The following STXBP6 variants were observed in gnomAD, a reference collection of about 807,000 sequenced individuals.
STXBP6 encodes syntaxin-binding protein 6.
In STXBP6, 21 loss-of-function variants were observed where a neutral mutation model predicts 26.9. The ratio of observed to expected loss-of-function variants is 0.78; its 90% CI spans 0.55 to 1.12. The LOEUF (loss-of-function observed/expected upper bound fraction) is 1.12, where lower values mean the gene tolerates loss of function less well. Among genes scored for constraint, STXBP6 ranks in the 50% most tolerant of loss-of-function variants. The pLI, the probability that STXBP6 is intolerant of heterozygous loss-of-function variation, is 0.00. For synonymous variants in STXBP6, 97 were observed against 92.6 expected (o/e 1.05, Z -0.27); for missense variants, 232 against 257.9 (o/e 0.90, Z 0.69).
At chr14:24,870,980 T>A (rs1044097410) in intron 2 of STXBP6, among the ~76,000 whole-genome samples, 9 of 152,220 alleles carry the variant, frequency 5.9e-5, no homozygotes, top group Non-Finnish European at 1.2e-4. Flanking sequence ...CATCTTGTTA[T>A]CTGCCACGGT....
At chr14:24,962,532 T>C (rs1159830962) in intron 2 of STXBP6, among the ~76,000 whole-genome samples, 3 of 151,976 alleles carry the variant, frequency 2.0e-5, no homozygotes, top group Non-Finnish European at 2.9e-5. Flanking sequence ...TTCTCCACGT[T>C]GGCCAGGCTG....
chr14:25,049,751 C>T lies in STXBP6; in HGVS notation c.-33+127G>A, dbSNP rs2075777470. The T allele has an allele frequency of 1.8e-5, 18 of 985,502 alleles. No homozygotes were observed. The South Asian group carries it at 3.3e-4, about 18-fold the overall frequency. 61.0% of individuals were successfully genotyped at this position (985,502 alleles called of 1,614,324 possible). A position where few individuals can be genotyped will look rare whatever the true frequency, so the allele number is the denominator to read the frequency against. ...GAATCTCTCTGGGAGCCTGCCTACT[C>T]CCCTGGCCTCACAGCCACCCGCCTC... On this transcript the variant is annotated intron_variant, in intron 1 of 5. Transcript: ENST00000323944. The surrounding 1 kb of genome is among the most constrained non-coding windows in gnomAD (Gnocchi z 5.6).
chr14:24,904,194 G>A (rs770676541), intron 2 of STXBP6, among the ~76,000 whole-genome samples: 2 of 152,042 alleles, frequency 1.3e-5, no homozygotes, highest in African/African-American at 2.4e-5. Context: ...TATCTTCCCC[G>A]AATCCCACAT....
At chr14:24,837,324 T>C (rs960517912) in intron 4 of STXBP6, among the ~76,000 whole-genome samples, 2 of 152,194 alleles carry the variant, frequency 1.3e-5, no homozygotes, top group Non-Finnish European at 2.9e-5. Flanking sequence ...AAATTATTAC[T>C]CTTGTTAAGA....
At chr14:25,025,065 T>G (rs546642727) in intron 1 of STXBP6, among the ~76,000 whole-genome samples, 1 of 152,328 alleles carries the variant, frequency 6.6e-6, no homozygotes, top group East Asian at 1.9e-4. Flanking sequence ...GGCCTTTTGA[T>G]TTCAACATCC....
At chr14:24,829,684 A>AT (rs71121804) in intron 4 of STXBP6, among the ~76,000 whole-genome samples, 367 of 144,390 alleles carry the variant, frequency 2.5e-3, no homozygotes, top group Admixed American at 4.3e-3. Flanking sequence ...TCATTGAACT[A>AT]TTTTTTTTTT....
At chr14:24,880,563 A>G (rs781118832) in intron 2 of STXBP6, among the ~76,000 whole-genome samples, 2 of 152,230 alleles carry the variant, frequency 1.3e-5, no homozygotes, top group Non-Finnish European at 2.9e-5. Flanking sequence ...GGCCAGGTAC[A>G]TGATGCATTG....
At chr14:24,963,803 T>A (rs1302849009) in intron 2 of STXBP6, among the ~76,000 whole-genome samples, 1 of 152,006 alleles carries the variant, frequency 6.6e-6, no homozygotes, top group Non-Finnish European at 1.5e-5. Context: ...AATTGCTCAT[T>A]TTGAAAGATT....
chr14:24,946,411 A>C (rs557999229), intron 2 of STXBP6, among the ~76,000 whole-genome samples: 2 of 152,224 alleles, frequency 1.3e-5, no homozygotes, highest in African/African-American at 4.8e-5. Context: ...CAATGGAGAC[A>C]AAACCAAAAG....
intron 2 of STXBP6, among the ~76,000 whole-genome samples, chr14:24,876,568 A>G (rs954184229): frequency 3.3e-5 from 5 of 152,208 alleles, no homozygotes; most frequent in South Asian, 2.1e-4. Context: ...GGGGTTTGAC[A>G]TAGAAGCAGC....
At chr14:25,018,610 C>T (rs8004569) in intron 1 of STXBP6, among the ~76,000 whole-genome samples, 27,292 of 152,062 alleles carry the variant, frequency 0.18, 3,425 homozygotes, top group African/African-American at 0.36. Flanking sequence ...TGAATGTTGG[C>T]ATAGCAGGAA....
chr14:24,974,026 AG>A (rs2073976903), intron 2 of STXBP6, among the ~76,000 whole-genome samples: 2 of 152,300 alleles, frequency 1.3e-5, no homozygotes, highest in South Asian at 4.1e-4. Flanking sequence ...AAATTTATCC[AG>A]ATTTTATCTC....
chr14:24,893,282 C>A (rs2070858856), intron 2 of STXBP6, among the ~76,000 whole-genome samples: 1 of 152,212 alleles, frequency 6.6e-6, no homozygotes, highest in South Asian at 2.1e-4. Flanking sequence ...AGGACCTATT[C>A]AAAGTATTCT....
intron 2 of STXBP6, among the ~76,000 whole-genome samples, chr14:24,925,772 T>A (rs2072140741): frequency 6.6e-6 from 1 of 152,170 alleles, no homozygotes; most frequent in Admixed American, 6.5e-5. Flanking sequence ...TATTTTATAA[T>A]CTGCAAATAT....
chr14:24,974,826 C>T lies in STXBP6; in HGVS notation c.-8G>A, dbSNP rs766997471. ...AGCAGATTTGGCACTCATTGTAGAA[C>T]AAGTGAGGACAGCACGCAGTGAATC... On this transcript the variant is annotated 5_prime_UTR_variant, in exon 2 of 6. Coordinates refer to ENST00000323944, the MANE Select transcript of STXBP6 (RefSeq NM_001394410.1). The T allele has an allele frequency of 8.3e-5, 132 of 1,597,838 alleles. No individual in the cohort carries two copies. Among genetic ancestry groups the T allele is most frequent in the Admixed American group, 1.2e-4 (7 of 58,862 alleles).
intron 1 of STXBP6, among the ~76,000 whole-genome samples, chr14:25,031,175 G>C (rs912609218): frequency 1.3e-5 from 2 of 152,104 alleles, no homozygotes; most frequent in African/African-American, 2.4e-5. Flanking sequence ...CCCTTGTACT[G>C]AACCAATTAA....
At chr14:24,917,653 TAGAA>T (rs576720819) in intron 2 of STXBP6, among the ~76,000 whole-genome samples, 1 of 152,112 alleles carries the variant, frequency 6.6e-6, no homozygotes, top group Non-Finnish European at 1.5e-5. Flanking sequence ...TCAAAAATCT[TAGAA>T]AAAGACATAG....
At chr14:25,032,605 AG>A (rs1368834024) in intron 1 of STXBP6, among the ~76,000 whole-genome samples, 1 of 152,224 alleles carries the variant, frequency 6.6e-6, no homozygotes, top group Non-Finnish European at 1.5e-5. Flanking sequence ...CTGTCACCAC[AG>A]GGCCTATGCC....
intron 2 of STXBP6, among the ~76,000 whole-genome samples, chr14:24,947,078 A>T (rs1213764746): frequency 6.6e-6 from 1 of 152,210 alleles, no homozygotes; most frequent in Non-Finnish European, 1.5e-5. Flanking sequence ...CTTATTATCT[A>T]GAAAATTGAA....
Sources: gnomAD v4.1 joint callset for allele counts (sites outside exome capture counted in the v4.1 genomes callset) on GRCh38, gnomAD v4.1.1 for gene constraint, Gnocchi (gnomAD v3.1) non-coding constraint, MANE v1.5 for transcripts, NCBI Gene and HGNC (gene_info 2026-07-23, HGNC 2026-07-21) for gene names.